CENPI: variants seen among roughly 807,000 people sequenced by gnomAD.
The protein encoded by CENPI is centromere protein I.
Under a neutral mutation model 60.4 loss-of-function variants are expected in CENPI, and 4 were observed. The ratio of observed to expected loss-of-function variants is 0.07; its 90% CI spans 0.03 to 0.15. The LOEUF is 0.15. Ranked by LOEUF, CENPI falls within the 10% of genes least tolerant of loss-of-function variation. CENPI has a pLI of 1.00. For synonymous variants in CENPI, 157 were observed against 189.4 expected (o/e 0.83, Z 1.40); for missense variants, 444 against 534.5 (o/e 0.83, Z 1.67).
At chrX:101,102,461 AT>A (rs756424575) in intron 4 of CENPI, 50 bp downstream of exon 4, 78 of 877,722 alleles carry the variant, frequency 8.9e-5, no homozygotes, top group Admixed American at 3.5e-4. Context: ...TAGCACCTAT[AT>A]TTTTTTCTTT....
At chrX:101,181,185 T>C in the CENPI span, among the ~76,000 whole-genome samples, 1 of 111,113 alleles carries the variant, frequency 9.0e-6, no homozygotes, top group Non-Finnish European at 1.9e-5. Context: ...CTTAGATCAG[T>C]ACCACAGTGT....
chrX:101,100,722 C>T (rs767703499), intron 2 of CENPI: 43 of 158,268 alleles, frequency 2.7e-4, no homozygotes, highest in Non-Finnish European at 4.0e-4. Context: ...CACGCCCGGC[C>T]GAGATGGATT....
Position 101,109,547 on chromosome X carries a change from G to A in CENPI, c.439G>A (p.Ala147Thr), listed in dbSNP as rs1483685336. The A allele has an allele frequency of 8.3e-7, 1 of 1,208,321 alleles. No homozygotes were observed. Among genetic ancestry groups the A allele is most frequent in the Admixed American group, 2.2e-5 (1 of 45,987 alleles). The change falls in exon 5 of 22, where the codon GCA becomes ACA. Residue 147 changes from alanine (A) to threonine (T), a missense_variant. Ala to Thr is a moderately conservative substitution (Grantham distance 58). Transcript: ENST00000682095. Reference sequence around the variant, plus strand: ...AATATCAGAAGATTCTGTGGTTAAGGCAGTCTCCTGGCTTTGTGTTGGCAA... The same window carrying A: ...AATATCAGAAGATTCTGTGGTTAAGACAGTCTCCTGGCTTTGTGTTGGCAA... Reference protein sequence around the residue: ...TVISEDSVVKAVSWLCVGKCS... With the variant: ...TVISEDSVVKTVSWLCVGKCS...
At chrX:101,143,191 G>T (rs1162438765) in intron 16 of CENPI, among the ~76,000 whole-genome samples, 1 of 110,778 alleles carries the variant, frequency 9.0e-6, no homozygotes, top group Non-Finnish European at 1.9e-5. Context: ...TATCATGGTG[G>T]TGGGCAGTAG....
At chrX:101,156,679 G>A (rs1240919425) in intron 20 of CENPI, among the ~76,000 whole-genome samples, 2 of 108,594 alleles carry the variant, frequency 1.8e-5, no homozygotes, top group Non-Finnish European at 3.8e-5. Context: ...AGTCCCCAGA[G>A]TCCATTGTGT....
chrX:101,177,760 A>G, the CENPI span, among the ~76,000 whole-genome samples: 1 of 112,092 alleles, frequency 8.9e-6, no homozygotes, highest in South Asian at 3.7e-4. Context: ...CTGCAGCTTC[A>G]CTGCTGGGGG....
At chrX:101,120,333 G>T (rs1039884424) in intron 6 of CENPI, 69 bp from the exon 7 acceptor site, 1 of 509,402 alleles carries the variant, frequency 2.0e-6, no homozygotes, top group Non-Finnish European at 3.4e-6. Flanking sequence ...TGACATTTGA[G>T]GAAAATGTGT....
chrX:101,160,216 A>T (rs2090094592), intron 20 of CENPI, among the ~76,000 whole-genome samples: 1 of 110,544 alleles, frequency 9.0e-6, no homozygotes, highest in South Asian at 3.8e-4. Flanking sequence ...AAATCTGGAG[A>T]CAATATTGGA....
intron 4 of CENPI, among the ~76,000 whole-genome samples, chrX:101,108,618 A>G (rs956847424): frequency 3.7e-5 from 4 of 108,118 alleles, no homozygotes; most frequent in African/African-American, 6.7e-5. Flanking sequence ...TTTTAAATAG[A>G]AATATTTGGA....
At chrX:101,161,679 G>A (rs1018194138) in intron 21 of CENPI, 110 bp downstream of exon 21, 1 of 679,288 alleles carries the variant, frequency 1.5e-6, no homozygotes, top group Non-Finnish European at 2.3e-6. Context: ...CCTCCACAAA[G>A]TCAAAATGAA....
intron 21 of CENPI, among the ~76,000 whole-genome samples, chrX:101,162,473 A>AAAATATATATATATATATATATAT (rs1303045267): frequency 8.8e-5 from 6 of 68,110 alleles, no homozygotes; most frequent in African/African-American, 4.1e-4. Context: ...AAAAAAAAAA[A>AAAATATATATATATATATATATAT]ATATATATAT....
chrX:101,116,831 A>G (rs1476465844), intron 6 of CENPI, among the ~76,000 whole-genome samples: 1 of 111,733 alleles, frequency 8.9e-6, no homozygotes, highest in African/African-American at 3.3e-5. Context: ...ATTTCATCAC[A>G]TCCTCACCAA....
intron 15 of CENPI, among the ~76,000 whole-genome samples, chrX:101,139,949 C>G (rs1569502668): frequency 9.1e-6 from 1 of 109,815 alleles, no homozygotes; most frequent in Non-Finnish European, 1.9e-5. Context: ...ATTCTCCTGC[C>G]TCAGCCTCCC....
chrX:101,133,810 T>G (rs1472142648), intron 15 of CENPI, among the ~76,000 whole-genome samples: 2 of 111,987 alleles, frequency 1.8e-5, no homozygotes, highest in African/African-American at 6.5e-5. Flanking sequence ...CTTTTAGAAT[T>G]GACAATACAG....
At chrX:101,130,331 G>GGATGAGGTAGGAGGATCA (rs1376252369) in intron 13 of CENPI, among the ~76,000 whole-genome samples, 2 of 111,296 alleles carry the variant, frequency 1.8e-5, no homozygotes. Context: ...CTACTCAGGA[G>GGATGAGGTAGGAGGATCA]GATGAGGTAG....
intron 20 of CENPI, among the ~76,000 whole-genome samples, chrX:101,159,451 C>T (rs376266786): frequency 2.2e-4 from 24 of 109,501 alleles, no homozygotes; most frequent in Middle Eastern, 4.7e-3. Context: ...TGTGAGCCAC[C>T]GCGCCTGGCC....
At chrX:101,117,742 T>C (rs975830118) in intron 6 of CENPI, among the ~76,000 whole-genome samples, 6 of 112,082 alleles carry the variant, frequency 5.4e-5, no homozygotes, top group African/African-American at 1.9e-4. Flanking sequence ...CTGCCTAACC[T>C]ATCCCTGCCT....
intron 6 of CENPI, 91 bp from the exon 7 acceptor site, chrX:101,120,311 T>C (rs1278433655): frequency 4.8e-6 from 2 of 420,908 alleles, no homozygotes; most frequent in Non-Finnish European, 8.3e-6. Context: ...TTTTACTTAA[T>C]CAGCGTAAGA....
At chrX:101,117,533 A>G in intron 6 of CENPI, among the ~76,000 whole-genome samples, 1 of 112,195 alleles carries the variant, frequency 8.9e-6, no homozygotes, top group Non-Finnish European at 1.9e-5. Context: ...CTGGTTACAA[A>G]TTCTTGGGAA....
Sources: allele counts gnomAD v4.1 joint callset (sites outside exome capture counted in the v4.1 genomes callset), GRCh38; gene constraint gnomAD v4.1.1; transcripts MANE v1.5; gene names NCBI Gene and HGNC (gene_info 2026-07-23, HGNC 2026-07-21).